The following PCDHGA10 variants were observed in gnomAD, a reference collection of about 807,000 sequenced individuals.
The protein encoded by PCDHGA10 is protocadherin gamma-A10.
PCDHGA10 carries 42 observed loss-of-function variants against 59.5 expected under a neutral mutation model. The observed-to-expected ratio is 0.71, with a 90% CI of 0.55 to 0.91. The LOEUF (loss-of-function observed/expected upper bound fraction) is 0.91. Ranked by LOEUF, PCDHGA10 falls within the 40% of genes least tolerant of loss-of-function variation. The pLI, the probability that PCDHGA10 is intolerant of heterozygous loss-of-function variation, is 0.00. For missense variants in PCDHGA10, 1,111 were observed against 1,198.2 expected (o/e 0.93, Z 1.07); for synonymous variants, 511 against 517.2 (o/e 0.99, Z 0.16).
intron 1 of PCDHGA10, among the ~76,000 whole-genome samples, chr5:141,460,577 TGTG>T (rs2098992364): frequency 6.6e-6 from 1 of 152,094 alleles, no homozygotes; most frequent in African/African-American, 2.4e-5. Context: ...CATATGTAGG[TGTG>T]GGTTTTTTCT....
At chr5:141,479,505 G>A (rs2099498324) in intron 1 of PCDHGA10, 1 of 152,262 alleles carries the variant, frequency 6.6e-6, no homozygotes, top group African/African-American at 2.4e-5. Flanking sequence ...CCTAAAGAGG[G>A]GTGAACTGGC....
intron 1 of PCDHGA10, among the ~76,000 whole-genome samples, chr5:141,459,838 A>C (rs944807247): frequency 1.3e-5 from 2 of 152,098 alleles, no homozygotes; most frequent in African/African-American, 4.8e-5. Context: ...TGTGTTGTCT[A>C]TTTGTATATC....
At chr5:141,450,006 CTT>C (rs1554136305) in intron 1 of PCDHGA10, among the ~76,000 whole-genome samples, 13 of 132,938 alleles carry the variant, frequency 9.8e-5, no homozygotes, top group Non-Finnish European at 7.9e-5. Flanking sequence ...TGCCATGTCT[CTT>C]TTTTTTTTTT....
At position 141,430,831 on chromosome 5, in the gene PCDHGA10, G is replaced by A; in HGVS notation, c.2436+15220G>A. ...TGGGAATCCTCCTGGGGACTCTGTGGGAGACCGGATGCACCCAGATACGCT... is the reference window on the plus strand; with the variant it reads ...TGGGAATCCTCCTGGGGACTCTGTGAGAGACCGGATGCACCCAGATACGCT... On this transcript the variant is annotated intron_variant, in intron 1 of 3. Coordinates refer to ENST00000398610, the MANE Select transcript of PCDHGA10 (RefSeq NM_018913.3). 3 of 1,555,334 alleles carry A rather than the reference G, an allele frequency of 1.9e-6. No individual in the cohort carries two copies. In the South Asian group the frequency reaches 3.8e-5, roughly 19 times the overall value.
At chr5:141,459,632 A>G (rs1202000974) in intron 1 of PCDHGA10, among the ~76,000 whole-genome samples, 1 of 152,214 alleles carries the variant, frequency 6.6e-6, no homozygotes, top group East Asian at 1.9e-4. Flanking sequence ...AAGCTGCCAA[A>G]CTATTTTTCA....
rs982627903 is a variant in PCDHGA10, at chr5:141,421,421, T to C, written c.2436+5810T>C. ...CCCCGGGAGCTGGCGAAGCGCGGAGTCCGCATCGTCTCCAGAGGGAAGACA... is the reference window on the plus strand; with the variant it reads ...CCCCGGGAGCTGGCGAAGCGCGGAGCCCGCATCGTCTCCAGAGGGAAGACA... On this transcript the variant is annotated intron_variant, in intron 1 of 3. Coordinates refer to ENST00000398610, the MANE Select transcript of PCDHGA10 (RefSeq NM_018913.3). The C allele has an allele frequency of 6.2e-7, 1 of 1,613,994 alleles. No individual in the cohort carries two copies. The highest frequency in any genetic ancestry group is 1.3e-5 in the African/African-American group (1 of 75,052).
chr5:141,413,013 C>A lies in PCDHGA10; in HGVS notation c.-163C>A. On this transcript the variant is annotated 5_prime_UTR_variant, in exon 1 of 4. Coordinates refer to ENST00000398610, the MANE Select transcript of PCDHGA10 (RefSeq NM_018913.3). Reference sequence around the variant, plus strand: ...ATCCGGATTCTCAGGGCTTCAACTACACAAGCCCCACAAACCGGCTGCTGG... The same window carrying A: ...ATCCGGATTCTCAGGGCTTCAACTAAACAAGCCCCACAAACCGGCTGCTGG... 2 of 661,008 alleles carry A rather than the reference C, an allele frequency of 3.0e-6. No individual in the cohort carries two copies. Among genetic ancestry groups the A allele is most frequent in the Admixed American group, 6.8e-5 (2 of 29,418 alleles). The allele number at this position is 661,008 out of a possible 1,614,324, so 40.9% of individuals were successfully genotyped here.
At chr5:141,478,617 G>T in intron 1 of PCDHGA10, 1 of 1,556,398 alleles carries the variant, frequency 6.4e-7, no homozygotes, top group South Asian at 1.2e-5. Context: ...AGGAAGGAAT[G>T]GAGCTGTTTT....
At chr5:141,479,189 G>A (rs1466742057) in intron 1 of PCDHGA10, 3 of 152,358 alleles carry the variant, frequency 2.0e-5, no homozygotes, top group African/African-American at 7.2e-5. Flanking sequence ...AGAAAATTCA[G>A]AAAATACAGA....
chr5:141,495,735 T>C (rs1595351919), intron 2 of PCDHGA10, among the ~76,000 whole-genome samples: 1 of 152,044 alleles, frequency 6.6e-6, no homozygotes, highest in Admixed American at 6.5e-5. Context: ...CCTTAGTCTC[T>C]TTCTCCTTCT....
At position 141,494,820 on chromosome 5, in the gene PCDHGA10, A is replaced by G; in HGVS notation, c.2450A>G (p.Asn817Ser). ...TTTTCTCCACAGCAAGCCCCGCCCA[A>G]CACGGACTGGCGTTTCTCTCAGGCC... ...DTPLVPQAPP[N>S]TDWRFSQAQR... Residue 817 changes from asparagine to serine, a missense_variant, in exon 2 of 4, where the codon AAC becomes AGC. By Grantham distance (46) the Asn-to-Ser change is conservative. Transcript: ENST00000398610. 1.2e-6 allele frequency: 2 copies of G among 1,613,988 alleles called. No individual in the cohort carries two copies. Among genetic ancestry groups the G allele is most frequent in the Middle Eastern group, 1.6e-4 (1 of 6,062 alleles).
chr5:141,423,749 T>TG, intron 1 of PCDHGA10: 2 of 272,262 alleles, frequency 7.3e-6, no homozygotes, highest in Non-Finnish European at 4.7e-6. Flanking sequence ...TGAAAACTGT[T>TG]TGGGGGGGGG....
chr5:141,414,883 G>T lies in PCDHGA10; in HGVS notation c.1708G>T (p.Ala570Ser). 6.2e-7 allele frequency: 1 copy of T among 1,614,176 alleles called. No individual in the cohort carries two copies. The highest frequency in any genetic ancestry group is 8.5e-7 in the Non-Finnish European group (1 of 1,180,036). Residue 570 changes from alanine to serine, a missense_variant, in exon 1 of 4, where the codon GCC becomes TCC. Coordinates refer to ENST00000398610, the MANE Select transcript of PCDHGA10 (RefSeq NM_018913.3). ...NDNAPEILYP[A>S]LPTDGSTGVE... ...CAATGCGCCCGAGATCCTGTACCCC[G>T]CCCTCCCCACAGACGGTTCCACAGG...
chr5:141,426,371 C>T (rs987346395), intron 1 of PCDHGA10: 4 of 217,048 alleles, frequency 1.8e-5, no homozygotes, highest in African/African-American at 9.0e-5. Context: ...TGCGGGGCAC[C>T]CTCGGAGCAG....
Position 141,490,350 on chromosome 5 carries a change from G to T in PCDHGA10, c.2437-4457G>T. On this transcript the variant is annotated intron_variant, in intron 1 of 3. Transcript: ENST00000398610. This position sits in a 1 kb window ranked among gnomAD's most constrained non-coding sequence, Gnocchi z 5.4. Reference sequence around the variant, plus strand: ...GCACACCAGTGGGCACAGTAGTGGGGTTGTTTAATGTGCGAGACCGGGACT... The same window carrying T: ...GCACACCAGTGGGCACAGTAGTGGGTTTGTTTAATGTGCGAGACCGGGACT... 2 of 1,614,204 alleles carry T rather than the reference G, an allele frequency of 1.2e-6. No homozygotes were observed. The highest frequency in any genetic ancestry group is 1.7e-6 in the Non-Finnish European group (2 of 1,180,034).
chr5:141,444,997 A>G (rs2154560871), intron 1 of PCDHGA10, among the ~76,000 whole-genome samples: 1 of 152,292 alleles, frequency 6.6e-6, no homozygotes, highest in Admixed American at 6.5e-5. Context: ...ATATATTTCC[A>G]TTTAATTAGG....
chr5:141,433,208 C>CA, intron 1 of PCDHGA10: 1 of 1,293,080 alleles, frequency 7.7e-7, no homozygotes, highest in Non-Finnish European at 1.1e-6. Context: ...AATCTTCTTT[C>CA]TTTTTTTTTT....
chr5:141,509,882 G>A (rs1374735632), intron 3 of PCDHGA10, among the ~76,000 whole-genome samples: 1 of 152,182 alleles, frequency 6.6e-6, no homozygotes. Context: ...GGTGGTGATG[G>A]TGACTGACTG....
At chr5:141,446,061 AG>A (rs903957950) in intron 1 of PCDHGA10, among the ~76,000 whole-genome samples, 3 of 152,226 alleles carry the variant, frequency 2.0e-5, no homozygotes, top group African/African-American at 7.2e-5. Context: ...CTTGGATTAA[AG>A]GGGAGGCAGT....
Sources: gnomAD v4.1 joint callset for allele counts (sites outside exome capture counted in the v4.1 genomes callset) on GRCh38, gnomAD v4.1.1 for gene constraint, Gnocchi (gnomAD v3.1) non-coding constraint, MANE v1.5 for transcripts, NCBI Gene and HGNC (gene_info 2026-07-23, HGNC 2026-07-21) for gene names.